Variants in RUNDC3B observed in about 807,000 individuals in gnomAD.
The protein encoded by RUNDC3B is RUN domain-containing protein 3B.
In RUNDC3B, 33 loss-of-function variants were observed where a neutral mutation model predicts 58.4. The observed-to-expected ratio is 0.56, with a 90% CI of 0.43 to 0.75. RUNDC3B has a LOEUF of 0.75. Ranked by LOEUF, RUNDC3B falls within the 30% of genes least tolerant of loss-of-function variation. The probability of loss-of-function intolerance (pLI) is 0.00; values close to 1 mark genes in which losing one functional copy is unlikely to be tolerated. For synonymous variants in RUNDC3B, 193 were observed against 195.2 expected, an observed-to-expected ratio of 0.99 and a Z score of 0.10; for missense variants, 501 against 535.7, an observed-to-expected ratio of 0.94 and a Z score of 0.64.
At chr7:87,650,961 A>C in intron 2 of RUNDC3B, 24 bp downstream of exon 2, 1 of 1,323,078 alleles carries the variant, frequency 7.6e-7, no homozygotes, top group South Asian at 1.2e-5. Context: ...TGTACTATTT[A>C]TTTTCCCACC....
In RUNDC3B at chr7:87,648,177, T is replaced by A. The variant is rs181360343; in HGVS notation, c.123-2645T>A. ...TCCAGCCTGGGTGACAGAGCGAGAC[T>A]CTGTCTCAAAAAAAAAAAAAAAAAG... On this transcript the variant is annotated intron_variant, in intron 1 of 10. Transcript: ENST00000394654. 2.6e-3 allele frequency among the ~76,000 whole-genome samples: 371 copies of A among 140,764 alleles called. 1 individual carries two copies. The highest frequency in any genetic ancestry group is 4.3e-3 in the Non-Finnish European group (282 of 65,982). The allele number at this position is 140,764 out of a possible 152,430, so 92.3% of individuals were successfully genotyped here.
chr7:87,631,557 A>AT (rs1418734622), intron 1 of RUNDC3B, among the ~76,000 whole-genome samples: 4 of 152,140 alleles, frequency 2.6e-5, no homozygotes, highest in South Asian at 2.1e-4. Context: ...CGCCCGGCTA[A>AT]TTTTTTGTGT....
chr7:87,747,177 A>C (rs771780967), intron 6 of RUNDC3B, among the ~76,000 whole-genome samples: 17 of 152,156 alleles, frequency 1.1e-4, no homozygotes, highest in Non-Finnish European at 2.2e-4. Context: ...CCCTTGATGT[A>C]GTACTCTCCC....
intron 6 of RUNDC3B, among the ~76,000 whole-genome samples, chr7:87,755,280 C>T (rs1833303099): frequency 6.6e-6 from 1 of 152,072 alleles, no homozygotes; most frequent in East Asian, 1.9e-4. Flanking sequence ...CTTGGCCTCC[C>T]AGAGTCCTGG....
chr7:87,738,315 A>C (rs1452500612), intron 4 of RUNDC3B, among the ~76,000 whole-genome samples: 2 of 152,048 alleles, frequency 1.3e-5, no homozygotes, highest in African/African-American at 4.8e-5. Context: ...ACCTTTCTGC[A>C]GGACACCTCA....
At chr7:87,668,933 G>A (rs1825548412) in intron 2 of RUNDC3B, among the ~76,000 whole-genome samples, 1 of 152,154 alleles carries the variant, frequency 6.6e-6, no homozygotes, top group Non-Finnish European at 1.5e-5. Flanking sequence ...ATGTGGTGAG[G>A]AGAAGAATGT....
intron 2 of RUNDC3B, among the ~76,000 whole-genome samples, chr7:87,688,777 G>T (rs540809092): frequency 1.3e-5 from 2 of 151,702 alleles, no homozygotes; most frequent in Non-Finnish European, 2.9e-5. Context: ...TTGGTTACTT[G>T]CTTCTGTTTG....
intron 1 of RUNDC3B, among the ~76,000 whole-genome samples, chr7:87,648,398 A>T (rs1823239591): frequency 1.3e-5 from 2 of 152,124 alleles, no homozygotes; most frequent in South Asian, 4.1e-4. Flanking sequence ...GAAAGGATGA[A>T]AATGTCCCAG....
intron 4 of RUNDC3B, among the ~76,000 whole-genome samples, chr7:87,733,143 C>T (rs1359847239): frequency 2.6e-5 from 4 of 152,192 alleles, no homozygotes; most frequent in Admixed American, 6.5e-5. Flanking sequence ...CCCCCCCATG[C>T]GTCTGTTTAT....
intron 4 of RUNDC3B, among the ~76,000 whole-genome samples, chr7:87,735,932 C>T (rs10275625): frequency 0.048 from 7,376 of 152,188 alleles, 267 homozygotes; most frequent in East Asian, 0.092. Flanking sequence ...TATAGTACCT[C>T]GCACAGTTCT....
intron 3 of RUNDC3B, among the ~76,000 whole-genome samples, chr7:87,702,909 CAGAAG>C (rs1829220439): frequency 6.6e-6 from 1 of 152,162 alleles, no homozygotes; most frequent in African/African-American, 2.4e-5. Context: ...GTATACTCAA[CAGAAG>C]GTTGAGTATA....
intron 6 of RUNDC3B, among the ~76,000 whole-genome samples, chr7:87,761,609 A>G (rs769772843): frequency 1.3e-4 from 19 of 151,940 alleles, no homozygotes; most frequent in Non-Finnish European, 1.9e-4. Flanking sequence ...AATGTGATGT[A>G]TCCATACAAT....
chr7:87,687,706 G>A (rs557242364), intron 2 of RUNDC3B, among the ~76,000 whole-genome samples: 8 of 152,072 alleles, frequency 5.3e-5, no homozygotes, highest in Non-Finnish European at 1.0e-4. Context: ...CTTAAAACGA[G>A]TTAGAACTCC....
rs184636203 is a variant in RUNDC3B at position 87,674,878 on chromosome 7, G to T, written c.238+23941G>T. ...GTCCAGGTCTGACGGTCACCCTAAGGCTAAAGGCTCCCACAGGAGCATGGT... is the reference window on the plus strand; with the variant it reads ...GTCCAGGTCTGACGGTCACCCTAAGTCTAAAGGCTCCCACAGGAGCATGGT... On this transcript the variant is annotated intron_variant, in intron 2 of 10. Transcript: ENST00000394654. 1.1e-4 allele frequency among the ~76,000 whole-genome samples: 17 copies of T among 152,232 alleles called. No individual in the cohort carries two copies. In the East Asian group the frequency reaches 3.3e-3, roughly 30 times the overall value.
chr7:87,685,345 A>G (rs1198226344), intron 2 of RUNDC3B, among the ~76,000 whole-genome samples: 1 of 152,222 alleles, frequency 6.6e-6, no homozygotes, highest in East Asian at 1.9e-4. Context: ...GATGTTCAAC[A>G]TCATTAGTAA....
intron 8 of RUNDC3B, among the ~76,000 whole-genome samples, chr7:87,780,300 C>A (rs1279727977): frequency 6.6e-6 from 1 of 152,058 alleles, no homozygotes; most frequent in Non-Finnish European, 1.5e-5. Flanking sequence ...TGTTTTGCAA[C>A]TTTTTAATAA....
chr7:87,644,106 G>A (rs1362310402), intron 1 of RUNDC3B, among the ~76,000 whole-genome samples: 2 of 152,126 alleles, frequency 1.3e-5, no homozygotes, highest in Non-Finnish European at 2.9e-5. Flanking sequence ...TGATCCACCC[G>A]CCTTGGCCTC....
chr7:87,663,463 A>G (rs1474892390), intron 2 of RUNDC3B, among the ~76,000 whole-genome samples: 1 of 152,014 alleles, frequency 6.6e-6, no homozygotes, highest in Non-Finnish European at 1.5e-5. Context: ...GCTACTATGT[A>G]TTATTGAATT....
At chr7:87,635,330 C>T (rs1265993458) in intron 1 of RUNDC3B, among the ~76,000 whole-genome samples, 1 of 152,160 alleles carries the variant, frequency 6.6e-6, no homozygotes, top group Non-Finnish European at 1.5e-5. Context: ...CACAGAGGGT[C>T]TTGAAGTTAT....
Sources: gnomAD v4.1 joint callset for allele counts (sites outside exome capture counted in the v4.1 genomes callset) on GRCh38, gnomAD v4.1.1 for gene constraint, MANE v1.5 for transcripts, NCBI Gene and HGNC (gene_info 2026-07-23, HGNC 2026-07-21) for gene names.